Variants in DPYD observed in about 807,000 individuals in gnomAD.
The protein encoded by DPYD is dihydropyrimidine dehydrogenase [NADP(+)].
In DPYD, 109 loss-of-function variants were observed where a neutral mutation model predicts 116.2. The observed-to-expected ratio is 0.94, with a 90% CI of 0.80 to 1.10. The LOEUF is 1.10. DPYD is among the 50% of genes least tolerant of loss of function. The pLI, the probability that DPYD is intolerant of heterozygous loss-of-function variation, is 0.00. For synonymous variants in DPYD, 440 were observed against 432.0 expected, an observed-to-expected ratio of 1.02 and a Z score of -0.23; for missense variants, 1,302 against 1,254.5, an observed-to-expected ratio of 1.04 and a Z score of -0.57.
At chr1:97,403,585 C>T (rs561738649) in intron 14 of DPYD, among the ~76,000 whole-genome samples, 1 of 152,116 alleles carries the variant, frequency 6.6e-6, no homozygotes, top group Non-Finnish European at 1.5e-5. Context: ...GTCATCAAAT[C>T]TGTGGGCATG....
Position 97,173,225 on chromosome 1 carries a change from C to T in DPYD, c.2622+19844G>A, listed in dbSNP as rs988125245. ...GTGTACATATATACACATATACGTA[C>T]ATATATGCGCACACATATATGTACA... On this transcript the variant is annotated intron_variant, in intron 20 of 22. Transcript: ENST00000370192. Among the ~76,000 whole-genome samples, 327 of 103,584 alleles carry T rather than the reference C, an allele frequency of 3.2e-3. 1 individual carries two copies. The highest frequency in any genetic ancestry group is 8.9e-3 in the African/African-American group (313 of 35,104). 68.0% of individuals were successfully genotyped at this position (103,584 alleles called of 152,430 possible). A position where few individuals can be genotyped will look rare whatever the true frequency, so the allele number is the denominator to read the frequency against.
intron 5 of DPYD, among the ~76,000 whole-genome samples, chr1:97,718,368 C>A (rs1472785884): frequency 1.3e-5 from 2 of 151,220 alleles, no homozygotes; most frequent in East Asian, 3.9e-4. Flanking sequence ...GGTATTAGTA[C>A]AATAAAAGTA....
intron 1 of DPYD, among the ~76,000 whole-genome samples, chr1:97,888,667 A>C (rs1447022397): frequency 1.3e-5 from 2 of 152,052 alleles, no homozygotes; most frequent in Non-Finnish European, 2.9e-5. Context: ...AGTTTCAATA[A>C]GTTTAACAGT....
rs1665295498 is a variant in DPYD, at chr1:97,281,128, A to G, written c.2299+24131T>C. On this transcript the variant is annotated intron_variant, in intron 18 of 22. Coordinates refer to ENST00000370192, the MANE Select transcript of DPYD (RefSeq NM_000110.4). ...AAGTTACAGGTATGATATCAAAGAA[A>G]TCTCCCAAAAGAGAAAGCAAAATTC... Among the ~76,000 whole-genome samples, 4 of 152,230 alleles carry G rather than the reference A, an allele frequency of 2.6e-5. No homozygotes were observed. The South Asian group carries it at 8.3e-4, about 32-fold the overall frequency.
intron 2 of DPYD, among the ~76,000 whole-genome samples, chr1:97,861,499 G>A (rs1028243614): frequency 2.6e-5 from 4 of 151,734 alleles, no homozygotes; most frequent in African/African-American, 9.7e-5. Flanking sequence ...CACAAACTGA[G>A]GGAAGATATT....
intron 6 of DPYD, among the ~76,000 whole-genome samples, chr1:97,697,800 C>G (rs945175744): frequency 6.6e-6 from 1 of 151,962 alleles, no homozygotes; most frequent in South Asian, 2.1e-4. Context: ...CAGTAATCTA[C>G]CAAAATTGGC....
At chr1:97,192,760 T>C (rs886635213) in intron 20 of DPYD, among the ~76,000 whole-genome samples, 1 of 152,132 alleles carries the variant, frequency 6.6e-6, no homozygotes, top group Admixed American at 6.6e-5. Flanking sequence ...CATAAAGAAA[T>C]CTCCAGACTC....
intron 11 of DPYD, among the ~76,000 whole-genome samples, chr1:97,560,468 C>G (rs1460218298): frequency 2.0e-5 from 3 of 150,276 alleles, no homozygotes; most frequent in Non-Finnish European, 4.4e-5. Flanking sequence ...AGACATAAGA[C>G]AGTGTACACA....
At chr1:97,709,398 A>G (rs1662159181) in intron 5 of DPYD, among the ~76,000 whole-genome samples, 2 of 151,820 alleles carry the variant, frequency 1.3e-5, no homozygotes, top group Admixed American at 1.3e-4. Context: ...TACATGGTAT[A>G]TATTTTTTTA....
intron 3 of DPYD, among the ~76,000 whole-genome samples, chr1:97,779,520 A>G (rs749888701): frequency 3.9e-4 from 59 of 152,150 alleles, no homozygotes; most frequent in Admixed American, 5.2e-4. Context: ...CTTTTTGAGT[A>G]TCCACAGTAG....
At chr1:97,623,612 G>C (rs2100776379) in intron 8 of DPYD, among the ~76,000 whole-genome samples, 1 of 152,030 alleles carries the variant, frequency 6.6e-6, no homozygotes, top group African/African-American at 2.4e-5. Context: ...AATTTTCATA[G>C]AAATAGAGAA....
At chr1:97,318,870 T>A (rs928160110) in intron 16 of DPYD, among the ~76,000 whole-genome samples, 1 of 149,242 alleles carries the variant, frequency 6.7e-6, no homozygotes, top group Non-Finnish European at 1.5e-5. Context: ...ACAGAAATTA[T>A]AACAAACTAT....
chr1:97,820,095 G>A (rs1455069484), intron 3 of DPYD, among the ~76,000 whole-genome samples: 1 of 152,086 alleles, frequency 6.6e-6, no homozygotes, highest in Admixed American at 6.6e-5. Flanking sequence ...TCATGTAGAA[G>A]TATCAGTTAA....
At chr1:97,759,607 AT>A (rs375497396) in intron 3 of DPYD, among the ~76,000 whole-genome samples, 7 of 152,096 alleles carry the variant, frequency 4.6e-5, no homozygotes, top group African/African-American at 1.4e-4. Context: ...CAGTACTGGT[AT>A]TTTTTCAGCT....
intron 13 of DPYD, among the ~76,000 whole-genome samples, chr1:97,510,077 C>T (rs1647664523): frequency 6.6e-6 from 1 of 151,286 alleles, no homozygotes; most frequent in African/African-American, 2.4e-5. Context: ...CAACAGGGGC[C>T]ATCATTAGCC....
At chr1:97,751,460 G>GTATGTATATATATATATATA (rs1553233232) in intron 3 of DPYD, among the ~76,000 whole-genome samples, 1 of 21,274 alleles carries the variant, frequency 4.7e-5, no homozygotes, top group Non-Finnish European at 8.1e-5. Context: ...GTGTGTGTGT[G>GTATGTATATATATATATATA]TATATATATA....
chr1:97,784,081 C>A (rs745833933), intron 3 of DPYD, among the ~76,000 whole-genome samples: 1 of 152,098 alleles, frequency 6.6e-6, no homozygotes, highest in Non-Finnish European at 1.5e-5. Flanking sequence ...AGATATGAAT[C>A]ACATTATCAG....
intron 5 of DPYD, among the ~76,000 whole-genome samples, chr1:97,703,506 C>G (rs1298212053): frequency 2.0e-5 from 3 of 152,136 alleles, no homozygotes; most frequent in African/African-American, 7.2e-5. Flanking sequence ...ATCTACTTCT[C>G]ATTTCACCTA....
At chr1:97,516,043 G>C (rs1387609637) in intron 12 of DPYD, 102 bp from the exon 13 acceptor site, 1 of 1,125,400 alleles carries the variant, frequency 8.9e-7, no homozygotes, top group Non-Finnish European at 1.3e-6. Flanking sequence ...AATTAATATA[G>C]ATTACAACAG....
Sources: allele counts gnomAD v4.1 joint callset (sites outside exome capture counted in the v4.1 genomes callset), GRCh38; gene constraint gnomAD v4.1.1; transcripts MANE v1.5; gene names NCBI Gene and HGNC (gene_info 2026-07-23, HGNC 2026-07-21).